Variants in WDR12 observed in about 807,000 individuals in gnomAD.
The protein encoded by WDR12 is WD repeat domain 12.
WDR12 carries 42 observed loss-of-function variants against 64.3 expected under a neutral mutation model. The observed-to-expected ratio is 0.65, with a 90% CI of 0.51 to 0.84. WDR12 has a LOEUF of 0.84. Among genes scored for constraint, WDR12 ranks in the 40% least tolerant of loss-of-function variants. The pLI is 0.00. For synonymous variants in WDR12, 158 were observed against 173.3 expected, an observed-to-expected ratio of 0.91 and a Z score of 0.70; for missense variants, 469 against 494.6, an observed-to-expected ratio of 0.95 and a Z score of 0.49.
At chr2:202,899,446 G>A in intron 4 of WDR12, 85 bp downstream of exon 4, 1 of 1,155,528 alleles carries the variant, frequency 8.7e-7, no homozygotes, top group South Asian at 1.6e-5. Context: ...TTAAATCACA[G>A]AAAAATATGT....
At chr2:202,897,888 C>CAAAAAAAAAAAAAAA (rs10637220) in intron 4 of WDR12, among the ~76,000 whole-genome samples, 1 of 74,206 alleles carries the variant, frequency 1.3e-5, no homozygotes, top group Non-Finnish European at 2.5e-5. Flanking sequence ...GACTCCGTTT[C>CAAAAAAAAAAAAAAA]AAAAAAAAAA....
At chr2:202,908,113 T>C (rs16839360) in intron 1 of WDR12, among the ~76,000 whole-genome samples, 154 bp from the exon 2 acceptor site, 2,276 of 152,318 alleles carry the variant, frequency 0.015, 59 homozygotes, top group African/African-American at 0.05. Context: ...AAACATGGTC[T>C]CTGTTCTAAG....
At chr2:202,881,026 T>G (rs1219698982) in intron 12 of WDR12, 89 bp from the exon 13 acceptor site, 1 of 1,175,346 alleles carries the variant, frequency 8.5e-7, no homozygotes, top group African/African-American at 1.6e-5. Flanking sequence ...ACTAATGATT[T>G]TCATTACAAA....
intron 8 of WDR12, among the ~76,000 whole-genome samples, chr2:202,891,823 T>C (rs1009017816): frequency 6.6e-6 from 1 of 152,196 alleles, no homozygotes; most frequent in African/African-American, 2.4e-5. Flanking sequence ...TTATAACAAA[T>C]ATCTTTGTAA....
chr2:202,894,614 A>T lies in WDR12; in HGVS notation c.622T>A (p.Ser208Thr). 6.2e-7 allele frequency: 1 copy of T among 1,608,042 alleles called. No individual in the cohort carries two copies. The highest frequency in any genetic ancestry group is 8.5e-7 in the Non-Finnish European group (1 of 1,177,472). Residue 208 changes from serine (S) to threonine (T), a missense_variant, in exon 7 of 13, where the codon TCC becomes ACC. Ser to Thr is a moderately conservative substitution (Grantham distance 58). Coordinates refer to ENST00000261015, the MANE Select transcript of WDR12 (RefSeq NM_018256.4). ...DGSGTKFCSG[S>T]WDKMLKIWST... ...CAGATCTTTAGCATCTTATCCCAGG[A>T]GCCACTGCAAAACTAAACAGATGTA...
chr2:202,878,886 A>G lies in WDR12; in HGVS notation c.*1974T>C, dbSNP rs1484437155. ...AAATACATTTACTTTAAATATTTTT[A>G]TATAACACATGCATAAAGATAAATG... On this transcript the variant is annotated 3_prime_UTR_variant, in exon 13 of 13. Transcript: ENST00000261015. 4 of 152,260 alleles carry G rather than the reference A, an allele frequency of 2.6e-5. No individual in the cohort carries two copies. The highest frequency in any genetic ancestry group is 9.6e-5 in the African/African-American group (4 of 41,468). The allele number at this position is 152,260 out of a possible 1,614,324, so 9.4% of individuals were successfully genotyped here. A position where few individuals can be genotyped will look rare whatever the true frequency, so the allele number is the denominator to read the frequency against.
At chr2:202,880,989 T>C (rs1243811335) in intron 12 of WDR12, 52 bp from the exon 13 acceptor site, 1 of 1,452,718 alleles carries the variant, frequency 6.9e-7, no homozygotes, top group Non-Finnish European at 9.4e-7. Context: ...TATAATTATT[T>C]CACATCATAG....
rs1479337324 is a variant in WDR12 at position 202,884,244 on chromosome 2, A to G, written c.942T>C (p.Ser314=). The G allele has an allele frequency of 6.2e-7, 1 of 1,613,744 alleles. No homozygotes were observed. Among genetic ancestry groups the G allele is most frequent in the Admixed American group, 1.7e-5 (1 of 60,024 alleles). The change falls in exon 10 of 13, where the codon TCT becomes TCC. Residue 314 remains serine (S), a synonymous_variant. Coordinates refer to ENST00000261015, the MANE Select transcript of WDR12 (RefSeq NM_018256.4). ...SYSPLCKRLA[S]GSTDRHIRLW... ...GTCTGATATGCCTATCTGTGCTTCC[A>G]GATGCTAAACGTTTACAAAGTGGAG...
intron 2 of WDR12, among the ~76,000 whole-genome samples, chr2:202,906,157 T>G (rs918221757): frequency 6.6e-6 from 1 of 152,192 alleles, no homozygotes; most frequent in Non-Finnish European, 1.5e-5. Context: ...ACCACGTACC[T>G]ACAAAAATTA....
chr2:202,884,675 C>T (rs1688017262), intron 8 of WDR12, 140 bp from the exon 9 acceptor site: 3 of 767,182 alleles, frequency 3.9e-6, no homozygotes, highest in Non-Finnish European at 5.9e-6. Context: ...TCTTCCTTTA[C>T]AATGGAATGG....
chr2:202,900,714 C>G (rs1559163090), intron 3 of WDR12, among the ~76,000 whole-genome samples: 1 of 152,128 alleles, frequency 6.6e-6, no homozygotes, highest in East Asian at 1.9e-4. Flanking sequence ...TTGCTATTCC[C>G]TTTCTTGCCA....
intron 8 of WDR12, among the ~76,000 whole-genome samples, chr2:202,887,654 T>C (rs1050904971): frequency 9.2e-5 from 14 of 151,792 alleles, no homozygotes; most frequent in South Asian, 2.1e-4. Context: ...TTTGGGAGGC[T>C]GAGGCGGGTG....
At chr2:202,908,007 A>G in intron 1 of WDR12, 48 bp from the exon 2 acceptor site, 1 of 1,528,770 alleles carries the variant, frequency 6.5e-7, no homozygotes, top group Non-Finnish European at 9.1e-7. Flanking sequence ...AGATATTTGA[A>G]CAAACATGCT....
intron 2 of WDR12, among the ~76,000 whole-genome samples, chr2:202,903,611 T>C (rs1005785220): frequency 4.6e-5 from 7 of 152,188 alleles, no homozygotes; most frequent in Admixed American, 2.6e-4. Context: ...AAATCAATGA[T>C]ATAACGTTAT....
chr2:202,894,815 T>G, intron 6 of WDR12, 189 bp from the exon 7 acceptor site: 1 of 466,486 alleles, frequency 2.1e-6, no homozygotes. Flanking sequence ...GCCAAGCTTA[T>G]TGCCATGTCT....
intron 3 of WDR12, among the ~76,000 whole-genome samples, chr2:202,900,018 T>TG (rs772050545): frequency 6.6e-5 from 10 of 151,390 alleles, no homozygotes; most frequent in Non-Finnish European, 1.0e-4. Context: ...ATGCTGCAAA[T>TG]GGGGGGGAAA....
Position 202,875,805 on chromosome 2 carries a change from T to C in WDR12, c.*5055A>G, listed in dbSNP as rs1487764258. 5 of 152,378 alleles carry C rather than the reference T, an allele frequency of 3.3e-5. No individual in the cohort carries two copies. In the East Asian group the frequency reaches 7.7e-4, roughly 23 times the overall value. 9.4% of individuals were successfully genotyped at this position (152,378 alleles called of 1,614,324 possible). A position where few individuals can be genotyped will look rare whatever the true frequency, so the allele number is the denominator to read the frequency against. Reference sequence around the variant, plus strand: ...ACAAAATATATACCAGTTAAGAGCTTGTCCAAGATAAGTCCAAGTTCAAAT... The same window carrying C: ...ACAAAATATATACCAGTTAAGAGCTCGTCCAAGATAAGTCCAAGTTCAAAT... On this transcript the variant is annotated 3_prime_UTR_variant, in exon 13 of 13. Coordinates refer to ENST00000261015, the MANE Select transcript of WDR12 (RefSeq NM_018256.4).
chr2:202,893,254 A>G (rs889040010), intron 7 of WDR12, among the ~76,000 whole-genome samples: 1 of 152,148 alleles, frequency 6.6e-6, no homozygotes, highest in Non-Finnish European at 1.5e-5. Flanking sequence ...AATGTATGTT[A>G]CATTATATGT....
chr2:202,896,624 G>C (rs535347316), intron 5 of WDR12, among the ~76,000 whole-genome samples: 1 of 152,252 alleles, frequency 6.6e-6, no homozygotes, highest in East Asian at 1.9e-4. Context: ...TCAGGAGGTG[G>C]AAGTTGCAGT....
Sources: gnomAD v4.1 joint callset for allele counts (sites outside exome capture counted in the v4.1 genomes callset) on GRCh38, gnomAD v4.1.1 for gene constraint, MANE v1.5 for transcripts, NCBI Gene and HGNC (gene_info 2026-07-23, HGNC 2026-07-21) for gene names.